ACSF3: variants seen among roughly 807,000 people sequenced by gnomAD.
ACSF3 encodes the protein acyl-CoA synthetase family member 3.
A neutral mutation model predicts 53.2 loss-of-function variants in ACSF3; 78 were observed. The observed-to-expected ratio is 1.47, with a 90% confidence interval of 1.22 to 1.77. ACSF3 has a LOEUF of 1.77. Ranked by LOEUF, ACSF3 falls within the 40% of genes most tolerant of loss-of-function variation. ACSF3 has a pLI of 0.00. For synonymous variants in ACSF3, 414 were observed against 333.1 expected (o/e 1.24, Z -2.65); for missense variants, 937 against 771.1 (o/e 1.22, Z -2.55).
At chr16:89,112,032 C>A in intron 4 of ACSF3, 60 bp from the exon 5 acceptor site, 1 of 165,132 alleles carries the variant, frequency 6.1e-6, no homozygotes, top group Non-Finnish European at 1.0e-5. Context: ...AGCCAGGAGC[C>A]TCCGCCACGG....
intron 6 of ACSF3, among the ~76,000 whole-genome samples, chr16:89,119,692 A>G (rs143914431): frequency 0.035 from 5,382 of 152,160 alleles, 144 homozygotes; most frequent in Non-Finnish European, 0.06. Flanking sequence ...CATACCTGGA[A>G]CCACAGAGAA....
intron 7 of ACSF3, among the ~76,000 whole-genome samples, chr16:89,125,343 C>CAAAAA (rs139116506): frequency 5.0e-5 from 7 of 140,776 alleles, no homozygotes; most frequent in Non-Finnish European, 9.2e-5. Flanking sequence ...AACTCTGTCT[C>CAAAAA]AAAAAAAAAA....
At chr16:89,098,943 C>T (rs534214572) in intron 2 of ACSF3, among the ~76,000 whole-genome samples, 180 bp downstream of exon 2, 6 of 152,378 alleles carry the variant, frequency 3.9e-5, no homozygotes, top group South Asian at 2.1e-4. Context: ...GAAAACCAAA[C>T]GGACAACTTG....
rs1186492992 is a variant in ACSF3, at chr16:89,155,106, C to T, written c.*899C>T. 6.6e-6 allele frequency: 3 copies of T among 454,034 alleles called. No individual in the cohort carries two copies. The highest frequency in any genetic ancestry group is 4.7e-5 in the Admixed American group (2 of 42,558). 28.1% of individuals were successfully genotyped at this position (454,034 alleles called of 1,614,324 possible). ...GAAGGTGTGTTGTGAATGTTGGGTG[C>T]ACCCACGTTGCATTTACTTAGCGGG... is the stretch of plus-strand genomic sequence containing the variant. On this transcript the variant is annotated 3_prime_UTR_variant, in exon 11 of 11. Coordinates refer to ENST00000614302, the MANE Select transcript of ACSF3 (RefSeq NM_001243279.3).
At chr16:89,112,010 C>T (rs942911678) in intron 4 of ACSF3, 82 bp from the exon 5 acceptor site, 35 of 215,228 alleles carry the variant, frequency 1.6e-4, no homozygotes, top group Middle Eastern at 1.5e-3. Context: ...ACCATGAGAA[C>T]GCTGTGCCTG....
chr16:89,148,039 C>G (rs1251233389), intron 10 of ACSF3: 1 of 151,948 alleles, frequency 6.6e-6, no homozygotes, highest in Admixed American at 6.6e-5. Context: ...GCTGCGAGCC[C>G]CAGGCAGGTC....
At chr16:89,094,524 C>A (rs553422210) in intron 1 of ACSF3, among the ~76,000 whole-genome samples, 1 of 152,150 alleles carries the variant, frequency 6.6e-6, no homozygotes, top group Admixed American at 6.5e-5. Flanking sequence ...GCAGCCCATT[C>A]CCTGGAGAGA....
At chr16:89,112,289 G>T (rs1256034302) in intron 5 of ACSF3, 43 bp downstream of exon 5, 1 of 1,606,688 alleles carries the variant, frequency 6.2e-7, no homozygotes, top group African/African-American at 1.3e-5. Context: ...AAGTCTTAAA[G>T]ATCAACAGAT....
intron 1 of ACSF3, among the ~76,000 whole-genome samples, 157 bp downstream of exon 1, chr16:89,094,153 G>C (rs10163263): frequency 0.032 from 4,929 of 151,764 alleles, 248 homozygotes; most frequent in African/African-American, 0.11. Flanking sequence ...GCCGGGCGTC[G>C]GCCTTCCCGG....
intron 2 of ACSF3, 56 bp from the exon 3 acceptor site, chr16:89,100,606 G>T: frequency 6.6e-7 from 1 of 1,510,842 alleles, no homozygotes; most frequent in South Asian, 1.2e-5. Context: ...TCCTGTCTTG[G>T]CCACGTTTGG....
At chr16:89,111,958 C>A in intron 4 of ACSF3, 134 bp from the exon 5 acceptor site, 1 of 450,482 alleles carries the variant, frequency 2.2e-6, no homozygotes, top group South Asian at 2.1e-5. Context: ...GAGTTTGAGG[C>A]ACCCCTTTTA....
At chr16:89,113,693 C>T (rs1241338850) in intron 5 of ACSF3, 1 of 173,694 alleles carries the variant, frequency 5.8e-6, no homozygotes, top group East Asian at 1.6e-4. Flanking sequence ...TCCCTACTGC[C>T]CGTGAGGCTG....
intron 7 of ACSF3, chr16:89,122,955 AC>A (rs1390425260): frequency 6.6e-6 from 1 of 152,320 alleles, no homozygotes; most frequent in Non-Finnish European, 1.5e-5. Context: ...CTACCTGGGC[AC>A]CCTGACAGTC....
At chr16:89,130,944 G>C (rs1909148792) in intron 7 of ACSF3, among the ~76,000 whole-genome samples, 1 of 151,968 alleles carries the variant, frequency 6.6e-6, no homozygotes, top group Non-Finnish European at 1.5e-5. Flanking sequence ...TCTTCAAGTT[G>C]TCACGTTCGT....
At chr16:89,120,090 C>G (rs1906256180) in intron 6 of ACSF3, among the ~76,000 whole-genome samples, 1 of 152,252 alleles carries the variant, frequency 6.6e-6, no homozygotes, top group Non-Finnish European at 1.5e-5. Context: ...CAACCTAAAC[C>G]ACAGGCAGAG....
chr16:89,149,124 C>G (rs1048834486), intron 10 of ACSF3: 4 of 152,216 alleles, frequency 2.6e-5, no homozygotes, highest in Admixed American at 2.6e-4. Context: ...CAATAAGTTC[C>G]TCATCTCCCT....
chr16:89,121,563 T>C (rs988398708), intron 7 of ACSF3, among the ~76,000 whole-genome samples: 3 of 152,234 alleles, frequency 2.0e-5, no homozygotes, highest in African/African-American at 7.2e-5. Flanking sequence ...TTAGGGATTA[T>C]GGGGAAATGG....
In ACSF3 at chr16:89,100,747, G is replaced by A. The variant is rs751461445; in HGVS notation, c.66G>A (p.Ala22=). 1.1e-5 allele frequency: 18 copies of A among 1,606,320 alleles called. No homozygotes were observed. In the Admixed American group the frequency reaches 1.3e-4, roughly 12 times the overall value. The change falls in exon 3 of 11, where the codon GCG becomes GCA. Residue 22 remains alanine (A), a synonymous_variant. Coordinates refer to ENST00000614302, the MANE Select transcript of ACSF3 (RefSeq NM_001243279.3). Reference sequence around the variant, plus strand: ...GCGCCTTGGCGTCCTGCCGGCTGGCGCCTGCGAGACACAGAGGAAGTGGTC... The same window carrying A: ...GCGCCTTGGCGTCCTGCCGGCTGGCACCTGCGAGACACAGAGGAAGTGGTC... ...LGCALASCRL[A]PARHRGSGLL...
chr16:89,101,392 A>G, intron 3 of ACSF3, 45 bp downstream of exon 3: 1 of 1,550,438 alleles, frequency 6.4e-7, no homozygotes, highest in East Asian at 2.4e-5. Context: ...ACCGCACAGC[A>G]CTCCGGGTGG....
Sources: gnomAD v4.1 joint callset for allele counts (sites outside exome capture counted in the v4.1 genomes callset) on GRCh38, gnomAD v4.1.1 for gene constraint, MANE v1.5 for transcripts, NCBI Gene and HGNC (gene_info 2026-07-23, HGNC 2026-07-21) for gene names.